CTNNA3: variants seen among roughly 807,000 people sequenced by gnomAD.
The protein encoded by CTNNA3 is catenin alpha-3.
Under a neutral mutation model 95.7 loss-of-function variants are expected in CTNNA3, and 76 were observed. The observed-to-expected ratio is 0.79, with a 90% CI of 0.66 to 0.96. CTNNA3 has a LOEUF of 0.96. CTNNA3 is among the 40% of genes least tolerant of loss of function. CTNNA3 has a pLI of 0.00. For missense variants in CTNNA3, 1,191 were observed against 1,089.8 expected, an observed-to-expected ratio of 1.09 and a Z score of -1.31; for synonymous variants, 431 against 374.4, an observed-to-expected ratio of 1.15 and a Z score of -1.74.
chr10:65,935,507 G>T (rs191301962), intron 17 of CTNNA3, among the ~76,000 whole-genome samples: 1 of 152,214 alleles, frequency 6.6e-6, no homozygotes, highest in East Asian at 1.9e-4. Flanking sequence ...GAAAAGACTG[G>T]TTTTTATTTT....
chr10:66,548,931 T>G (rs530035629), intron 10 of CTNNA3, among the ~76,000 whole-genome samples: 1 of 151,460 alleles, frequency 6.6e-6, no homozygotes, highest in African/African-American at 2.4e-5. Context: ...AATGGAAAGG[T>G]TTTGCTATTA....
chr10:66,556,493 GATATATGTGTACATATATC>G (rs1251300859), intron 10 of CTNNA3, among the ~76,000 whole-genome samples: 3 of 151,842 alleles, frequency 2.0e-5, no homozygotes, highest in Non-Finnish European at 4.4e-5. Context: ...AGGAAATTAT[GATATATGTGTACATATATC>G]ATATATATAT....
Position 65,971,444 on chromosome 10 carries a change from AAG to A in CTNNA3, c.2266-4700_2266-4699del, listed in dbSNP as rs1303412065. Among the ~76,000 whole-genome samples, 4 of 151,794 alleles carry A rather than the reference AAG, an allele frequency of 2.6e-5. No individual in the cohort carries two copies. The East Asian group carries it at 5.8e-4, about 22-fold the overall frequency. On this transcript the variant is annotated intron_variant, in intron 16 of 17. Coordinates refer to ENST00000433211, the MANE Select transcript of CTNNA3 (RefSeq NM_013266.4). ...TGCTAGCTAGATTAACAAAGAAAAA[AAG>A]AGAGAGGATTCAAATAAGCACAGTC...
intron 6 of CTNNA3, among the ~76,000 whole-genome samples, chr10:67,183,509 A>T (rs958106994): frequency 8.6e-5 from 13 of 151,822 alleles, no homozygotes; most frequent in Non-Finnish European, 1.6e-4. Context: ...TGGACACAGG[A>T]AGGGGAACAT....
In CTNNA3 at chr10:66,566,948, AG is replaced by A. The variant is rs940983911; in HGVS notation, c.1375-46176del. Among the ~76,000 whole-genome samples, 10 of 140,344 alleles carry A rather than the reference AG, an allele frequency of 7.1e-5. No homozygotes were observed. The South Asian group carries it at 2.5e-3, about 36-fold the overall frequency. 92.1% of individuals were successfully genotyped at this position (140,344 alleles called of 152,430 possible). A position where few individuals can be genotyped will look rare whatever the true frequency, so the allele number is the denominator to read the frequency against. ...GTGGAGAGGTGGGAGGGAGTGGGCT[AG>A]GGTGAGGGCAAGAGCAGGGAGCGGG... On this transcript the variant is annotated intron_variant, in intron 10 of 17. Coordinates refer to ENST00000433211, the MANE Select transcript of CTNNA3 (RefSeq NM_013266.4).
rs553211261 is a variant in CTNNA3 at position 66,162,022 on chromosome 10, C to T, written c.1885-58773G>A. 1.8e-4 allele frequency among the ~76,000 whole-genome samples: 27 copies of T among 152,032 alleles called. No homozygotes were observed. In the East Asian group the frequency reaches 4.5e-3, roughly 25 times the overall value. ...GACTTTACAGAGCATTCTGCATTTC[C>T]GAAAGTGTGTCTAAAGTTTCCTGAA... On this transcript the variant is annotated intron_variant, in intron 13 of 17. Coordinates refer to ENST00000433211, the MANE Select transcript of CTNNA3 (RefSeq NM_013266.4).
intron 10 of CTNNA3, among the ~76,000 whole-genome samples, chr10:66,544,510 C>G (rs1841977293): frequency 6.6e-6 from 1 of 152,058 alleles, no homozygotes; most frequent in Non-Finnish European, 1.5e-5. Flanking sequence ...TAAATGTGGA[C>G]TGAGATTGCT....
intron 7 of CTNNA3, among the ~76,000 whole-genome samples, chr10:66,889,233 A>G (rs1845163315): frequency 6.6e-6 from 1 of 152,228 alleles, no homozygotes; most frequent in Non-Finnish European, 1.5e-5. Context: ...GGAGAGAGGG[A>G]TGAATAGGTG....
chr10:67,437,476 C>A (rs1040579223), intron 5 of CTNNA3, among the ~76,000 whole-genome samples: 11 of 151,272 alleles, frequency 7.3e-5, no homozygotes, highest in Admixed American at 2.0e-4. Context: ...TAATAAATAC[C>A]CCAATAAATT....
intron 7 of CTNNA3, chr10:67,015,430 A>C (rs1036478420): frequency 6.6e-6 from 1 of 152,152 alleles, no homozygotes; most frequent in Non-Finnish European, 1.5e-5. Context: ...TTGATACTAT[A>C]TTTGACTGAA....
At chr10:67,469,612 G>A (rs1428229369) in intron 5 of CTNNA3, among the ~76,000 whole-genome samples, 3 of 151,628 alleles carry the variant, frequency 2.0e-5, no homozygotes, top group African/African-American at 7.3e-5. Flanking sequence ...CCTGTCGGGG[G>A]GTGGGGGGCT....
In CTNNA3 at chr10:66,652,971, T is replaced by C. The variant is rs146714586; in HGVS notation, c.1282-31187A>G. ...ATAAAAATTATCAAAAAATTAGATA[T>C]ACAAGGAACATACCTTAACACAGTA... On this transcript the variant is annotated intron_variant, in intron 9 of 17. Coordinates refer to ENST00000433211, the MANE Select transcript of CTNNA3 (RefSeq NM_013266.4). Among the ~76,000 whole-genome samples, 52 of 152,208 alleles carry C rather than the reference T, an allele frequency of 3.4e-4. 1 individual carries two copies. The East Asian group carries it at 9.1e-3, about 27-fold the overall frequency.
At chr10:67,633,236 G>GGGAT (rs1839203819) in intron 2 of CTNNA3, among the ~76,000 whole-genome samples, 1 of 151,988 alleles carries the variant, frequency 6.6e-6, no homozygotes, top group African/African-American at 2.4e-5. Context: ...ATCTCTCCCT[G>GGGAT]GGATGGAGCT....
intron 11 of CTNNA3, among the ~76,000 whole-genome samples, chr10:66,446,204 T>C (rs1258779323): frequency 6.6e-6 from 1 of 151,990 alleles, no homozygotes; most frequent in Non-Finnish European, 1.5e-5. Flanking sequence ...CCAAAAAAAG[T>C]CCAGGACCAG....
At chr10:67,155,100 T>C (rs931874621) in intron 7 of CTNNA3, among the ~76,000 whole-genome samples, 1 of 152,230 alleles carries the variant, frequency 6.6e-6, no homozygotes, top group African/African-American at 2.4e-5. Flanking sequence ...CTACTGTTTA[T>C]GTCTATGTTA....
intron 3 of CTNNA3, among the ~76,000 whole-genome samples, chr10:67,602,301 G>A (rs2133370752): frequency 6.6e-6 from 1 of 152,200 alleles, no homozygotes; most frequent in Non-Finnish European, 1.5e-5. Flanking sequence ...CCACCACTGA[G>A]CTTAAAATTC....
Position 67,564,695 on chromosome 10 carries a change from A to G in CTNNA3, c.293-25026T>C, listed in dbSNP as rs1365823936. On this transcript the variant is annotated intron_variant, in intron 3 of 17. Transcript: ENST00000433211. Reference sequence around the variant, plus strand: ...TGTGTGTGTATATATATATATATATATATATATATATATATATATATATCA... The same window carrying G: ...TGTGTGTGTATATATATATATATATGTATATATATATATATATATATATCA... Among the ~76,000 whole-genome samples the G allele has an allele frequency of 5.2e-3, 394 of 75,864 alleles. 23 individuals are homozygous for G. The highest frequency in any genetic ancestry group is 7.8e-3 in the Non-Finnish European group (330 of 42,104). The allele number at this position is 75,864 out of a possible 152,430, so 49.8% of individuals were successfully genotyped here.
chr10:67,652,821 G>C (rs1202611042), intron 1 of CTNNA3, among the ~76,000 whole-genome samples: 1 of 152,162 alleles, frequency 6.6e-6, no homozygotes, highest in Non-Finnish European at 1.5e-5. Context: ...TGTGACTAAT[G>C]TAGAGGATCT....
chr10:67,159,396 G>T (rs1276281543), intron 7 of CTNNA3, among the ~76,000 whole-genome samples: 1 of 152,116 alleles, frequency 6.6e-6, no homozygotes, highest in African/African-American at 2.4e-5. Context: ...CTGCTACAAA[G>T]GAATCATACT....
Sources: gnomAD v4.1 joint callset for allele counts (sites outside exome capture counted in the v4.1 genomes callset) on GRCh38, gnomAD v4.1.1 for gene constraint, MANE v1.5 for transcripts, NCBI Gene and HGNC (gene_info 2026-07-23, HGNC 2026-07-21) for gene names.